The following ZFAND6 variants were observed in gnomAD, a reference collection of about 807,000 sequenced individuals.
ZFAND6 encodes zinc finger AN1-type containing 6.
In ZFAND6, 12 loss-of-function variants were observed where a neutral mutation model predicts 24.5. The observed-to-expected ratio is 0.49, with a 90% CI of 0.31 to 0.79. The LOEUF (loss-of-function observed/expected upper bound fraction) is 0.79. Ranked by LOEUF, ZFAND6 falls within the 30% of genes least tolerant of loss-of-function variation. The pLI is 0.04. For missense variants in ZFAND6, 207 were observed against 245.9 expected, an observed-to-expected ratio of 0.84 and a Z score of 1.06; for synonymous variants, 92 against 81.5, an observed-to-expected ratio of 1.13 and a Z score of -0.69.
intron 1 of ZFAND6, among the ~76,000 whole-genome samples, chr15:80,097,186 G>T (rs529625521): frequency 2.6e-5 from 4 of 151,858 alleles, no homozygotes; most frequent in African/African-American, 9.7e-5. Context: ...TATTTGTAGA[G>T]ACGGGGTTTC....
chr15:80,109,726 A>T (rs958100625), intron 2 of ZFAND6, among the ~76,000 whole-genome samples: 4 of 152,218 alleles, frequency 2.6e-5, no homozygotes, highest in South Asian at 2.1e-4. Context: ...TTTTAATAGG[A>T]TCACTGGCTG....
At chr15:80,119,721 G>A (rs2040063019) in intron 2 of ZFAND6, among the ~76,000 whole-genome samples, 2 of 151,998 alleles carry the variant, frequency 1.3e-5, no homozygotes, top group Admixed American at 1.3e-4. Context: ...CCCTTAAAGG[G>A]GAATGACTGG....
chr15:80,075,748 G>A (rs781076837), intron 1 of ZFAND6, among the ~76,000 whole-genome samples: 13 of 152,038 alleles, frequency 8.6e-5, no homozygotes, highest in Non-Finnish European at 1.3e-4. Flanking sequence ...TTGAACTGAT[G>A]TGTCTATGAA....
intron 1 of ZFAND6, among the ~76,000 whole-genome samples, chr15:80,092,346 G>A (rs980775527): frequency 2.1e-5 from 3 of 144,090 alleles, no homozygotes; most frequent in Admixed American, 6.9e-5. Flanking sequence ...AAAAAAAAAA[G>A]GATTGCTTGA....
intron 1 of ZFAND6, among the ~76,000 whole-genome samples, chr15:80,067,174 T>C (rs1003679522): frequency 4.6e-5 from 7 of 152,222 alleles, no homozygotes; most frequent in Non-Finnish European, 1.0e-4. Context: ...CAGGACTTGT[T>C]TGGGAGACTT....
In ZFAND6 at chr15:80,091,453, GTTCATTTGC is replaced by G. The variant is rs1567066123; in HGVS notation, c.-180-6960_-180-6952del. Reference sequence around the variant, plus strand: ...AAAGAAAAGGTAACCAGGACCTTTCGTTCATTTGCTTTCGCAGAGTTCCGTTTAGATAAA... The same window carrying G: ...AAAGAAAAGGTAACCAGGACCTTTCGTTTCGCAGAGTTCCGTTTAGATAAA... On this transcript the variant is annotated intron_variant, in intron 1 of 6. Coordinates refer to ENST00000261749, the MANE Select transcript of ZFAND6 (RefSeq NM_019006.4). Among the ~76,000 whole-genome samples, 596 of 152,132 alleles carry G rather than the reference GTTCATTTGC, an allele frequency of 3.9e-3. 4 individuals are homozygous for G. The highest frequency in any genetic ancestry group is 0.014 in the African/African-American group (570 of 41,488).
At chr15:80,075,813 TCGA>T (rs2037240850) in intron 1 of ZFAND6, among the ~76,000 whole-genome samples, 1 of 152,132 alleles carries the variant, frequency 6.6e-6, no homozygotes, top group Non-Finnish European at 1.5e-5. Flanking sequence ...GAAAATGAAC[TCGA>T]AACAGTTTTG....
At position 80,120,458 on chromosome 15, in the gene ZFAND6, T is replaced by C. The variant is rs780856662; in HGVS notation, c.114T>C (p.Leu38=). 9 of 1,591,954 alleles carry C rather than the reference T, an allele frequency of 5.7e-6. No homozygotes were observed. The African/African-American group carries it at 1.2e-4, about 21-fold the overall frequency. ...GTTCAGTATGCTATAAAGAACATCT[T>C]CAAAGACAGAATAGTAGTAATGGTA... ...GMCSVCYKEH[L]QRQNSSNGRI... The change falls in exon 3 of 7, where the codon CTT becomes CTC. Residue 38 remains leucine, a synonymous_variant. Coordinates refer to ENST00000261749, the MANE Select transcript of ZFAND6 (RefSeq NM_019006.4).
chr15:80,124,833 G>A (rs1293481013), intron 5 of ZFAND6, among the ~76,000 whole-genome samples: 1 of 152,126 alleles, frequency 6.6e-6, no homozygotes, highest in Non-Finnish European at 1.5e-5. Flanking sequence ...TTTCATCTCA[G>A]TTTTAAGAGA....
chr15:80,101,172 T>C (rs1427450712), intron 2 of ZFAND6, among the ~76,000 whole-genome samples: 1 of 152,182 alleles, frequency 6.6e-6, no homozygotes, highest in African/African-American at 2.4e-5. Context: ...AATAGAAATC[T>C]TTACTCCCGG....
intron 2 of ZFAND6, among the ~76,000 whole-genome samples, chr15:80,111,119 T>C (rs1567083095): frequency 6.6e-6 from 1 of 152,206 alleles, no homozygotes; most frequent in East Asian, 1.9e-4. Flanking sequence ...ACAGATATAT[T>C]TAGCTTGGTG....
rs937897616 is a variant in ZFAND6 at position 80,137,604 on chromosome 15, T to C, written c.603T>C (p.Val201=). The C allele has an allele frequency of 5.6e-6, 9 of 1,594,486 alleles. No homozygotes were observed. The highest frequency in any genetic ancestry group is 7.7e-6 in the Non-Finnish European group (9 of 1,174,148). The part of the protein sequence containing the change: ...EKIRKENPVV[V]GEKIQKI ...TCAGAAAAGAAAATCCAGTAGTTGT[T>C]GGTGAAAAGATCCAAAAGATTTGAA... is the stretch of plus-strand genomic sequence containing the variant. Residue 201 remains valine (V), a synonymous_variant, in exon 7 of 7, where the codon GTT becomes GTC. Transcript: ENST00000261749.
chr15:80,081,465 A>G (rs1370831643), intron 1 of ZFAND6, among the ~76,000 whole-genome samples: 4 of 152,250 alleles, frequency 2.6e-5, no homozygotes, highest in African/African-American at 9.6e-5. Context: ...CAGAACCAGA[A>G]CAGTTCAGGA....
chr15:80,100,723 G>A (rs2038984363), intron 2 of ZFAND6, among the ~76,000 whole-genome samples: 1 of 152,144 alleles, frequency 6.6e-6, no homozygotes, highest in Non-Finnish European at 1.5e-5. Flanking sequence ...ATTTTTAAAT[G>A]TATTTGAGCT....
intron 5 of ZFAND6, 52 bp from the exon 6 acceptor site, chr15:80,131,128 T>C: frequency 1.4e-6 from 2 of 1,419,010 alleles, no homozygotes; most frequent in East Asian, 4.6e-5. Flanking sequence ...GGATGAGGAA[T>C]AGCAAAATCT....
chr15:80,138,168 A>C lies in ZFAND6; in HGVS notation c.*540A>C, dbSNP rs2040943648. 2 of 152,728 alleles carry C rather than the reference A, an allele frequency of 1.3e-5. No homozygotes were observed. The highest frequency in any genetic ancestry group is 4.8e-5 in the African/African-American group (2 of 41,448). 9.5% of individuals were successfully genotyped at this position (152,728 alleles called of 1,614,324 possible). A position where few individuals can be genotyped will look rare whatever the true frequency, so the allele number is the denominator to read the frequency against. On this transcript the variant is annotated 3_prime_UTR_variant, in exon 7 of 7. Transcript: ENST00000261749. ...TTATGTCTGAATCATTTGTCACAAG[A>C]GAGTGTGTGCTGATGAGATTGTAAG...
intron 1 of ZFAND6, among the ~76,000 whole-genome samples, chr15:80,087,814 C>T (rs1294911825): frequency 6.6e-6 from 1 of 152,052 alleles, no homozygotes; most frequent in Non-Finnish European, 1.5e-5. Flanking sequence ...TATACTGTGT[C>T]CTGTTTGCTT....
intron 1 of ZFAND6, among the ~76,000 whole-genome samples, chr15:80,094,901 A>T (rs2038627409): frequency 6.6e-6 from 1 of 152,052 alleles, no homozygotes; most frequent in African/African-American, 2.4e-5. Context: ...CAGTCTCCCA[A>T]GTAGCAAGGA....
chr15:80,091,160 G>GGTGTGTGTGTGTGTGT (rs61706731), intron 1 of ZFAND6, among the ~76,000 whole-genome samples: 10 of 150,166 alleles, frequency 6.7e-5, no homozygotes, highest in African/African-American at 1.7e-4. Context: ...GTTGTTAAGG[G>GGTGTGTGTGTGTGTGT]GTGTGTGTGT....
Sources: gnomAD v4.1 joint callset for allele counts (sites outside exome capture counted in the v4.1 genomes callset) on GRCh38, gnomAD v4.1.1 for gene constraint, MANE v1.5 for transcripts, NCBI Gene and HGNC (gene_info 2026-07-23, HGNC 2026-07-21) for gene names.